Variants in SGF29 observed in about 807,000 individuals in gnomAD.
SGF29 encodes the protein SAGA complex associated factor 29.
SGF29 carries 15 observed loss-of-function variants against 38.1 expected under a neutral mutation model. The observed-to-expected ratio is 0.39, with a 90% CI of 0.26 to 0.61. SGF29 has a LOEUF of 0.61. SGF29 is among the 20% of genes least tolerant of loss of function. The pLI is 0.49. For missense variants in SGF29, 184 were observed against 394.6 expected, an observed-to-expected ratio of 0.47 and a Z score of 4.52; for synonymous variants, 151 against 160.8, an observed-to-expected ratio of 0.94 and a Z score of 0.46.
intron 1 of SGF29, among the ~76,000 whole-genome samples, chr16:28,555,556 C>T (rs575274614): frequency 6.6e-6 from 1 of 152,174 alleles, no homozygotes; most frequent in African/African-American, 2.4e-5. Context: ...TGAGGGTCAA[C>T]TGTATAGCTA....
intron 3 of SGF29, 117 bp from the exon 4 acceptor site, chr16:28,585,531 T>C: frequency 1.1e-6 from 1 of 919,550 alleles, no homozygotes; most frequent in Non-Finnish European, 1.8e-6. Context: ...AGCAGAGCTC[T>C]GACTGCAGCT....
At chr16:28,569,165 G>C (rs970018744) in intron 1 of SGF29, among the ~76,000 whole-genome samples, 4 of 152,154 alleles carry the variant, frequency 2.6e-5, no homozygotes, top group Non-Finnish European at 5.9e-5. Flanking sequence ...CTAGTGTTTT[G>C]TGGGAGAACT....
At chr16:28,557,991 T>TC (rs1555474104) in intron 1 of SGF29, among the ~76,000 whole-genome samples, 4 of 138,016 alleles carry the variant, frequency 2.9e-5, no homozygotes, top group African/African-American at 5.6e-5. Context: ...TTTTTTTTTT[T>TC]CAGAGACGGG....
rs140198976 is a variant in SGF29 at position 28,589,127 on chromosome 16, C to T, written c.252C>T (p.Ile84=). ...TCCTTCGGAAAGCTCTGGACAAGAT[C>T]GCGGAAATCAAGTCTCTGTTGGAAG... ...CNILRKALDK[I]AEIKSLLEER... is the part of the protein sequence containing the mutation. Residue 84 remains isoleucine (I), a synonymous_variant, in exon 5 of 10, where the codon ATC becomes ATT. Transcript: ENST00000317058. The T allele has an allele frequency of 3.3e-5, 53 of 1,614,050 alleles. No homozygotes were observed. Among genetic ancestry groups the T allele is most frequent in the South Asian group, 2.6e-4 (24 of 91,086 alleles).
At chr16:28,583,536 CA>C (rs1013835773) in intron 2 of SGF29, among the ~76,000 whole-genome samples, 1 of 152,216 alleles carries the variant, frequency 6.6e-6, no homozygotes, top group Non-Finnish European at 1.5e-5. Flanking sequence ...ACCCATCAGG[CA>C]CTTAAAAATT....
intron 1 of SGF29, among the ~76,000 whole-genome samples, chr16:28,574,601 C>A (rs1455965989): frequency 2.0e-5 from 3 of 152,174 alleles, no homozygotes; most frequent in African/African-American, 7.2e-5. Context: ...CCTGCCTGTC[C>A]AACTCCCTAT....
intron 1 of SGF29, among the ~76,000 whole-genome samples, chr16:28,557,384 C>T (rs1371910384): frequency 1.3e-5 from 2 of 152,174 alleles, no homozygotes; most frequent in Non-Finnish European, 1.5e-5. Flanking sequence ...TGGAGGGTGG[C>T]GTGCCCAGGG....
At chr16:28,564,783 A>G (rs1164332309) in intron 1 of SGF29, among the ~76,000 whole-genome samples, 19 of 126,510 alleles carry the variant, frequency 1.5e-4, no homozygotes, top group African/African-American at 2.3e-4. Flanking sequence ...GTATATATAT[A>G]TATACACACA....
chr16:28,581,781 TG>T (rs1334517930), intron 2 of SGF29, among the ~76,000 whole-genome samples: 1 of 151,970 alleles, frequency 6.6e-6, no homozygotes, highest in Non-Finnish European at 1.5e-5. Flanking sequence ...TAGCTAGGCT[TG>T]GTGGCGGATG....
chr16:28,585,969 C>G (rs2046954174), intron 4 of SGF29, among the ~76,000 whole-genome samples: 1 of 152,176 alleles, frequency 6.6e-6, no homozygotes, highest in Non-Finnish European at 1.5e-5. Context: ...GGCTCTATGA[C>G]CTTGGCAGAG....
intron 1 of SGF29, among the ~76,000 whole-genome samples, chr16:28,564,808 A>AAAC (rs2151643930): frequency 7.5e-6 from 1 of 134,188 alleles, no homozygotes; most frequent in Admixed American, 8.0e-5. Context: ...CACACACACA[A>AAAC]ACACACACAC....
chr16:28,585,865 C>T lies in SGF29; in HGVS notation c.224+145C>T, dbSNP rs1201709265. 4 of 741,438 alleles carry T rather than the reference C, an allele frequency of 5.4e-6. No individual in the cohort carries two copies. In the African/African-American group the frequency reaches 6.9e-5, roughly 13 times the overall value. The allele number at this position is 741,438 out of a possible 1,614,324, so 45.9% of individuals were successfully genotyped here. On this transcript the variant is annotated intron_variant, in intron 4 of 9. Coordinates refer to ENST00000317058, the MANE Select transcript of SGF29 (RefSeq NM_138414.3). The stretch of plus-strand genomic sequence containing the variant: ...CAGCCTCTCGCTTGGGTCCCGCATT[C>T]CCTGGCCCACTGCCAGGCCCACTCT...
intron 1 of SGF29, among the ~76,000 whole-genome samples, chr16:28,569,159 T>A (rs2046850643): frequency 6.6e-6 from 1 of 152,138 alleles, no homozygotes; most frequent in Non-Finnish European, 1.5e-5. Context: ...TATGTCCTAG[T>A]GTTTTGTGGG....
intron 1 of SGF29, among the ~76,000 whole-genome samples, chr16:28,564,708 CATATATATGTATATATATACATATATAT>C (rs2046821227): frequency 2.0e-5 from 1 of 50,238 alleles, no homozygotes; most frequent in African/African-American, 5.5e-5. Flanking sequence ...TATATATATA[CATATATATGTATATATATACATATATAT>C]GTATATATGT....
At chr16:28,585,462 A>G (rs1596607233) in intron 3 of SGF29, 186 bp from the exon 4 acceptor site, 1 of 627,392 alleles carries the variant, frequency 1.6e-6, no homozygotes, top group Non-Finnish European at 2.9e-6. Flanking sequence ...CATTTGTACC[A>G]TATGGAAATG....
Position 28,557,216 on chromosome 16 carries a change from T to C in SGF29, c.-16+3119T>C, listed in dbSNP as rs529190605. On this transcript the variant is annotated intron_variant, in intron 1 of 9. Coordinates refer to ENST00000317058, the MANE Select transcript of SGF29 (RefSeq NM_138414.3). ...AGCCTTTGTCCCTCAGAATTGGCTA[T>C]CTCTTCAGACCGTGCTTAATGAAAG... 4.6e-5 allele frequency among the ~76,000 whole-genome samples: 7 copies of C among 152,364 alleles called. No homozygotes were observed. In the East Asian group the frequency reaches 1.3e-3, roughly 29 times the overall value.
In SGF29 at chr16:28,585,641, T is replaced by G. The variant is rs1388297926; in HGVS notation, c.152-7T>G. The stretch of plus-strand genomic sequence containing the variant: ...CCTGCCTCCTTATCCCTGTGTTTCC[T>G]CTGCAGTTTCTCCCTATTACCGGAC... On this transcript the variant is annotated splice_region_variant and splice_polypyrimidine_tract_variant and intron_variant, in intron 3 of 9. Coordinates refer to ENST00000317058, the MANE Select transcript of SGF29 (RefSeq NM_138414.3). 2 of 1,613,884 alleles carry G rather than the reference T, an allele frequency of 1.2e-6. No homozygotes were observed. Among genetic ancestry groups the G allele is most frequent in the East Asian group, 4.5e-5 (2 of 44,890 alleles).
intron 1 of SGF29, among the ~76,000 whole-genome samples, chr16:28,567,961 C>T (rs974507659): frequency 1.2e-4 from 18 of 151,966 alleles, no homozygotes; most frequent in Non-Finnish European, 2.4e-4. Flanking sequence ...TCTGTTTGGC[C>T]TTTGTTACAA....
At chr16:28,570,792 G>A (rs2046860596) in intron 1 of SGF29, among the ~76,000 whole-genome samples, 1 of 151,868 alleles carries the variant, frequency 6.6e-6, no homozygotes, top group Non-Finnish European at 1.5e-5. Flanking sequence ...TGGCCAGGCT[G>A]GTCTTGAACT....
Sources: gnomAD v4.1 joint callset for allele counts (sites outside exome capture counted in the v4.1 genomes callset) on GRCh38, gnomAD v4.1.1 for gene constraint, MANE v1.5 for transcripts, NCBI Gene and HGNC (gene_info 2026-07-23, HGNC 2026-07-21) for gene names.